Variants in PUDP observed in about 807,000 individuals in gnomAD.
PUDP encodes the protein pseudouridine 5'-phosphatase.
In PUDP, 8 loss-of-function variants were observed where a neutral mutation model predicts 9.4. The ratio of observed to expected loss-of-function variants is 0.85; its 90% CI spans 0.50 to 1.53. The LOEUF (loss-of-function observed/expected upper bound fraction) is 1.53. Ranked by LOEUF, PUDP falls within the 40% of genes most tolerant of loss-of-function variation. The pLI is 0.00. For synonymous variants in PUDP, 99 were observed against 80.7 expected (o/e 1.23, Z -1.22); for missense variants, 188 against 189.7 (o/e 0.99, Z 0.05).
At chrX:7,050,555 G>A (rs1270848504) in intron 3 of PUDP, 83 bp from the exon 4 acceptor site, 1 of 883,185 alleles carries the variant, frequency 1.1e-6, no homozygotes, top group Non-Finnish European at 1.6e-6. Context: ...CGTCACCATT[G>A]GCTCTGCAAC....
At chrX:6,780,838 C>T (rs889282730) in intron 3 of PUDP, among the ~76,000 whole-genome samples, 8 of 110,821 alleles carry the variant, frequency 7.2e-5, no homozygotes, top group African/African-American at 2.3e-4. Context: ...AAGCAGATCA[C>T]TTGAGGCCAG....
intron 3 of PUDP, among the ~76,000 whole-genome samples, chrX:6,726,713 T>G (rs900026198): frequency 1.8e-5 from 2 of 111,902 alleles, no homozygotes; most frequent in Admixed American, 9.5e-5. Flanking sequence ...GGAGATTTTT[T>G]TAATGTGTAA....
intron 2 of PUDP, among the ~76,000 whole-genome samples, chrX:6,977,350 C>T (rs188003849): frequency 9.0e-6 from 1 of 111,538 alleles, no homozygotes; most frequent in Admixed American, 9.5e-5. Context: ...ACTTTGCTGC[C>T]CTGCAAGTCT....
In PUDP at chrX:6,910,048, G is replaced by A. The variant is rs1312232907; in HGVS notation, c.*247+67085C>T. Among the ~76,000 whole-genome samples the A allele has an allele frequency of 4.5e-5, 5 of 111,964 alleles. No individual in the cohort carries two copies. In the Admixed American group the frequency reaches 4.7e-4, roughly 11 times the overall value. ...GACTCAGTCATCACTATGGGGAAGA[G>A]AGTGGAGATGATGGAAACAGCTTCT... On this transcript the variant is annotated intron_variant and NMD_transcript_variant, in intron 3 of 3. Transcript: ENST00000655425.
chrX:6,789,938 AAGATAGAACAT>A (rs1569099005), intron 3 of PUDP, among the ~76,000 whole-genome samples: 1 of 105,017 alleles, frequency 9.5e-6, no homozygotes, highest in Non-Finnish European at 2.0e-5. Context: ...ATAGATAGAG[AAGATAGAACAT>A]AGATAGAAAG....
chrX:7,135,777 G>A (rs1466894636), intron 1 of PUDP, among the ~76,000 whole-genome samples: 9 of 111,199 alleles, frequency 8.1e-5, no homozygotes, highest in African/African-American at 3.0e-4. Context: ...AGAGTCAATA[G>A]TAGGATAGGA....
chrX:6,965,361 C>T (rs1010106471), intron 3 of PUDP, among the ~76,000 whole-genome samples: 2 of 112,052 alleles, frequency 1.8e-5, no homozygotes, highest in Non-Finnish European at 3.8e-5. Flanking sequence ...GGAAAAGATA[C>T]GTTTCTCTTA....
intron 3 of PUDP, among the ~76,000 whole-genome samples, chrX:6,822,490 G>A (rs1156814026): frequency 8.9e-6 from 1 of 111,821 alleles, no homozygotes; most frequent in African/African-American, 3.2e-5. Flanking sequence ...GCAGTGGCGC[G>A]ATTTCGGCTC....
chrX:6,763,696 T>A (rs1049677524), intron 3 of PUDP, among the ~76,000 whole-genome samples: 1 of 112,049 alleles, frequency 8.9e-6, no homozygotes, highest in African/African-American at 3.2e-5. Flanking sequence ...CTGTTTTAAA[T>A]AACATTGTTG....
chrX:7,044,952 A>G (rs905201347), downstream of PUDP, among the ~76,000 whole-genome samples: 7 of 112,172 alleles, frequency 6.2e-5, no homozygotes, highest in Non-Finnish European at 1.3e-4. Context: ...GCACCCGAGT[A>G]GTGGTAAAGG....
chrX:6,745,719 C>T (rs149719809), intron 3 of PUDP, among the ~76,000 whole-genome samples: 295 of 111,846 alleles, frequency 2.6e-3, no homozygotes, highest in African/African-American at 9.2e-3. Context: ...TTATAGCTCA[C>T]TGCAGCCTGG....
intron 3 of PUDP, among the ~76,000 whole-genome samples, chrX:6,761,960 A>C (rs1925232874): frequency 8.9e-6 from 1 of 112,020 alleles, no homozygotes; most frequent in African/African-American, 3.2e-5. Flanking sequence ...GAGGCTGAGA[A>C]GGGTGGATGG....
chrX:6,999,309 A>C (rs1181114378), intron 1 of PUDP, among the ~76,000 whole-genome samples: 3 of 111,957 alleles, frequency 2.7e-5, no homozygotes, highest in Non-Finnish European at 5.6e-5. Context: ...AGCACATATG[A>C]AACACTCTAT....
At chrX:6,916,915 T>C (rs1044761777) in intron 3 of PUDP, among the ~76,000 whole-genome samples, 1 of 112,422 alleles carries the variant, frequency 8.9e-6, no homozygotes, top group Admixed American at 9.4e-5. Flanking sequence ...AAGGTTTCAA[T>C]TAATAAAATT....
chrX:6,804,579 C>T (rs1345964083), intron 3 of PUDP, among the ~76,000 whole-genome samples: 3 of 111,454 alleles, frequency 2.7e-5, no homozygotes, highest in Non-Finnish European at 5.6e-5. Flanking sequence ...TTTATGGTGC[C>T]GTGTAGAGGG....
intron 3 of PUDP, among the ~76,000 whole-genome samples, chrX:6,901,285 C>G (rs1927681111): frequency 8.9e-6 from 1 of 111,753 alleles, no homozygotes; most frequent in African/African-American, 3.3e-5. Flanking sequence ...CTAGGGAACT[C>G]TAACAAGATT....
At chrX:6,976,331 T>C (rs1313066061) in intron 3 of PUDP, among the ~76,000 whole-genome samples, 1 of 111,820 alleles carries the variant, frequency 8.9e-6, no homozygotes, top group Admixed American at 9.5e-5. Flanking sequence ...CCTGGTGGTA[T>C]AGATACCGGA....
intron 3 of PUDP, among the ~76,000 whole-genome samples, chrX:6,950,570 C>A (rs1928539688): frequency 9.6e-6 from 1 of 103,944 alleles, no homozygotes. Flanking sequence ...ACCACCACTC[C>A]CGGCTAATTT....
At chrX:7,001,761 T>C (rs1929327913) in intron 1 of PUDP, among the ~76,000 whole-genome samples, 1 of 111,380 alleles carries the variant, frequency 9.0e-6, no homozygotes, top group Non-Finnish European at 1.9e-5. Context: ...TATTTATACA[T>C]ACGGAAAAAA....
Sources: allele counts gnomAD v4.1 joint callset (sites outside exome capture counted in the v4.1 genomes callset), GRCh38; gene constraint gnomAD v4.1.1; transcripts MANE v1.5; gene names NCBI Gene and HGNC (gene_info 2026-07-23, HGNC 2026-07-21).